Variants in ERC2 observed in about 807,000 individuals in gnomAD.
ERC2 encodes ERC protein 2.
ERC2 carries 42 observed loss-of-function variants against 114.8 expected under a neutral mutation model. The ratio of observed to expected loss-of-function variants is 0.37; its 90% CI spans 0.29 to 0.47. The LOEUF (loss-of-function observed/expected upper bound fraction) is 0.47. ERC2 is among the 20% of genes least tolerant of loss of function. ERC2 has a pLI of 0.99. For synonymous variants in ERC2, 454 were observed against 425.5 expected, an observed-to-expected ratio of 1.07 and a Z score of -0.82; for missense variants, 939 against 1,150.7, an observed-to-expected ratio of 0.82 and a Z score of 2.66.
At chr3:56,210,338 C>T (rs1245969306) in intron 3 of ERC2, among the ~76,000 whole-genome samples, 1 of 152,188 alleles carries the variant, frequency 6.6e-6, no homozygotes, top group Admixed American at 6.5e-5. Context: ...ATATTTATGA[C>T]TCAAAATCTG....
intron 2 of ERC2, among the ~76,000 whole-genome samples, chr3:56,386,740 C>G (rs1444774671): frequency 6.6e-6 from 1 of 152,128 alleles, no homozygotes; most frequent in Non-Finnish European, 1.5e-5. Context: ...TTGGGAGACA[C>G]TACTGCTACT....
At chr3:56,361,338 C>T (rs2150559473) in intron 2 of ERC2, among the ~76,000 whole-genome samples, 1 of 152,166 alleles carries the variant, frequency 6.6e-6, no homozygotes, top group Admixed American at 6.5e-5. Context: ...GATGTCTGTT[C>T]AAGAGTTCCA....
chr3:56,415,846 A>G (rs972457290), intron 2 of ERC2, among the ~76,000 whole-genome samples: 3 of 152,154 alleles, frequency 2.0e-5, no homozygotes, highest in African/African-American at 7.2e-5. Context: ...CAGCACAACA[A>G]ATAGGACAGC....
intron 15 of ERC2, among the ~76,000 whole-genome samples, chr3:55,700,769 T>TC (rs1320281133): frequency 6.6e-6 from 1 of 152,148 alleles, no homozygotes; most frequent in Non-Finnish European, 1.5e-5. Context: ...ATACCATGGC[T>TC]CTATAACCAC....
intron 12 of ERC2, among the ~76,000 whole-genome samples, chr3:55,963,692 A>G (rs1015290058): frequency 2.6e-5 from 4 of 152,206 alleles, no homozygotes; most frequent in Non-Finnish European, 5.9e-5. Context: ...CTAAAAGCCT[A>G]CGACTCCACT....
intron 3 of ERC2, among the ~76,000 whole-genome samples, chr3:56,203,334 AT>A (rs5849134): frequency 0.46 from 69,140 of 151,946 alleles, 16,220 homozygotes; most frequent in East Asian, 0.71. Context: ...AGGAGACCGG[AT>A]TTTTCGTCCA....
In ERC2 at chr3:56,224,137, A is replaced by G. The variant is rs569147850; in HGVS notation, c.1075-50617T>C. On this transcript the variant is annotated intron_variant, in intron 3 of 17. Transcript: ENST00000288221. ...AGTTTAGCACAGCCAAAGGCTGGCT[A>G]GAGTGTGGAAAAGTCAGCCCTCTCA... Among the ~76,000 whole-genome samples the G allele has an allele frequency of 3.9e-5, 6 of 152,328 alleles. No individual in the cohort carries two copies. In the South Asian group the frequency reaches 1.2e-3, roughly 32 times the overall value.
chr3:56,459,331 A>T (rs2063206054), intron 1 of ERC2, among the ~76,000 whole-genome samples: 1 of 152,228 alleles, frequency 6.6e-6, no homozygotes, highest in Non-Finnish European at 1.5e-5. Flanking sequence ...GAACAGTCAC[A>T]TTGCTCAATT....
intron 17 of ERC2, among the ~76,000 whole-genome samples, chr3:55,652,494 A>G (rs2060668238): frequency 6.6e-6 from 1 of 152,046 alleles, no homozygotes; most frequent in African/African-American, 2.4e-5. Context: ...TCCTAACTCT[A>G]CTAACCACTA....
chr3:55,526,297 C>A (rs1421072544), intron 17 of ERC2, among the ~76,000 whole-genome samples: 3 of 152,184 alleles, frequency 2.0e-5, no homozygotes, highest in Admixed American at 2.0e-4. Flanking sequence ...TTTAAGCCAA[C>A]CAGTTTGTGG....
chr3:56,377,329 G>C (rs770036715), intron 2 of ERC2, among the ~76,000 whole-genome samples: 2 of 152,122 alleles, frequency 1.3e-5, no homozygotes, highest in African/African-American at 2.4e-5. Context: ...TCTGCACATA[G>C]ACTTGTCTGT....
intron 14 of ERC2, among the ~76,000 whole-genome samples, chr3:55,853,673 A>T (rs193196996): frequency 1.3e-5 from 2 of 152,336 alleles, no homozygotes; most frequent in Admixed American, 1.3e-4. Context: ...CAAAAGGTCA[A>T]ATATTGTATG....
chr3:55,888,374 G>A lies in ERC2; in HGVS notation c.2564+15C>T. 2 of 1,613,546 alleles carry A rather than the reference G, an allele frequency of 1.2e-6. No homozygotes were observed. Among genetic ancestry groups the A allele is most frequent in the Non-Finnish European group, 1.7e-6 (2 of 1,179,604 alleles). ...CTAGAAGAGAGAGGCTACCAAAGCA[G>A]CAATGGGTACTCACTTCATCTCCAG... On this transcript the variant is annotated intron_variant, in intron 14 of 17. Coordinates refer to ENST00000288221, the MANE Select transcript of ERC2 (RefSeq NM_015576.3).
chr3:56,377,462 CAA>C (rs544855071), intron 2 of ERC2, among the ~76,000 whole-genome samples: 147 of 152,296 alleles, frequency 9.7e-4, no homozygotes, highest in African/African-American at 3.3e-3. Flanking sequence ...TTTCCAAACT[CAA>C]AGACATTTAT....
At chr3:56,361,776 G>GC (rs2058966867) in intron 2 of ERC2, among the ~76,000 whole-genome samples, 1 of 152,176 alleles carries the variant, frequency 6.6e-6, no homozygotes, top group Non-Finnish European at 1.5e-5. Context: ...CAGGGGTTAG[G>GC]CCCACAAGGT....
chr3:55,714,707 ATATATATG>A (rs2064008323), intron 15 of ERC2, among the ~76,000 whole-genome samples: 1 of 107,970 alleles, frequency 9.3e-6, no homozygotes, highest in African/African-American at 3.3e-5. Flanking sequence ...ATATATATAT[ATATATATG>A]AAAAGTACAG....
chr3:55,898,720 T>A (rs78218334), intron 13 of ERC2, among the ~76,000 whole-genome samples: 1 of 148,854 alleles, frequency 6.7e-6, no homozygotes, highest in Admixed American at 6.7e-5. Flanking sequence ...TGGATTTCCA[T>A]TTTTTTTTTA....
chr3:56,260,530 G>T (rs962386480), intron 3 of ERC2, among the ~76,000 whole-genome samples: 1 of 152,174 alleles, frequency 6.6e-6, no homozygotes, highest in Non-Finnish European at 1.5e-5. Context: ...CCCACCCAGA[G>T]CTGTGGGAGG....
At chr3:56,087,419 G>C (rs1471154300) in intron 6 of ERC2, among the ~76,000 whole-genome samples, 3 of 152,036 alleles carry the variant, frequency 2.0e-5, no homozygotes, top group African/African-American at 7.2e-5. Flanking sequence ...CCAATGGTGA[G>C]GTATGTTTCC....
Sources: gnomAD v4.1 joint callset for allele counts (sites outside exome capture counted in the v4.1 genomes callset) on GRCh38, gnomAD v4.1.1 for gene constraint, MANE v1.5 for transcripts, NCBI Gene and HGNC (gene_info 2026-07-23, HGNC 2026-07-21) for gene names.